Variants in CDH12 observed in about 807,000 individuals in gnomAD.
CDH12 encodes the protein cadherin-12.
Under a neutral mutation model 74.1 loss-of-function variants are expected in CDH12, and 41 were observed. That is an observed-to-expected ratio of 0.55 (90% confidence interval 0.43 to 0.72). CDH12 has a LOEUF of 0.72. CDH12 is among the 30% of genes least tolerant of loss of function. The pLI, the probability that CDH12 is intolerant of heterozygous loss-of-function variation, is 0.00. For missense variants in CDH12, 945 were observed against 977.2 expected (o/e 0.97, Z 0.44); for synonymous variants, 399 against 355.0 (o/e 1.12, Z -1.39).
At chr5:22,083,853 G>A (rs895484223) in intron 4 of CDH12, among the ~76,000 whole-genome samples, 1 of 152,106 alleles carries the variant, frequency 6.6e-6, no homozygotes, top group African/African-American at 2.4e-5. Context: ...AGGAATATGT[G>A]CCCGCAAACT....
intron 1 of CDH12, among the ~76,000 whole-genome samples, chr5:22,547,578 G>T (rs969165922): frequency 6.6e-6 from 1 of 151,970 alleles, no homozygotes; most frequent in African/African-American, 2.4e-5. Context: ...CCAAATTTTA[G>T]ATAAAATTAA....
chr5:22,480,543 C>T (rs1390160640), intron 2 of CDH12, among the ~76,000 whole-genome samples: 1 of 150,430 alleles, frequency 6.6e-6, no homozygotes, highest in Non-Finnish European at 1.5e-5. Context: ...CGGGATTGTA[C>T]CACTGCACTC....
intron 1 of CDH12, among the ~76,000 whole-genome samples, chr5:22,802,070 C>G (rs1023704048): frequency 6.6e-6 from 1 of 151,206 alleles, no homozygotes; most frequent in East Asian, 2.0e-4. Flanking sequence ...TACTGATGCT[C>G]TCTTTGTCTA....
intron 1 of CDH12, among the ~76,000 whole-genome samples, chr5:22,610,031 A>T (rs138770292): frequency 6.6e-6 from 1 of 152,380 alleles, no homozygotes; most frequent in Non-Finnish European, 1.5e-5. Flanking sequence ...CTGCCTGGGC[A>T]AATTGCTAAA....
At chr5:22,010,995 G>A (rs1487001659) in intron 5 of CDH12, among the ~76,000 whole-genome samples, 1 of 151,978 alleles carries the variant, frequency 6.6e-6, no homozygotes, top group Non-Finnish European at 1.5e-5. Context: ...ATTCATGCTT[G>A]CGTCATTACT....
rs1301382889 is a variant in CDH12 at position 22,076,858 on chromosome 5, ATGT to A, written c.231+1585_231+1587del. Among the ~76,000 whole-genome samples the A allele has an allele frequency of 5.8e-3, 885 of 152,080 alleles. 7 individuals are homozygous for A. The highest frequency in any genetic ancestry group is 0.018 in the African/African-American group (751 of 41,480). On this transcript the variant is annotated intron_variant, in intron 5 of 14. Transcript: ENST00000382254. ...AAGGTCATTCTGGTCTAGGCTGGAAATGTTTGGGTCTCAGTGTCCATTTATCGT... is the reference window on the plus strand; with the variant it reads ...AAGGTCATTCTGGTCTAGGCTGGAAATTGGGTCTCAGTGTCCATTTATCGT...
chr5:22,191,977 C>G (rs1035409917), intron 4 of CDH12, among the ~76,000 whole-genome samples: 4 of 152,104 alleles, frequency 2.6e-5, no homozygotes, highest in Admixed American at 2.0e-4. Flanking sequence ...GGTCTGTCTC[C>G]CAGGCTGGAG....
chr5:22,820,005 A>G (rs971920069), intron 1 of CDH12, among the ~76,000 whole-genome samples: 14 of 146,896 alleles, frequency 9.5e-5, no homozygotes, highest in Non-Finnish European at 1.5e-4. Flanking sequence ...ATATATATAC[A>G]TATACATATA....
intron 3 of CDH12, among the ~76,000 whole-genome samples, chr5:22,334,723 A>T (rs778136986): frequency 2.6e-5 from 4 of 152,186 alleles, no homozygotes; most frequent in Non-Finnish European, 5.9e-5. Flanking sequence ...CATTTTCAAC[A>T]AAGGTGACAA....
intron 6 of CDH12, among the ~76,000 whole-genome samples, chr5:21,858,695 T>G (rs909749714): frequency 1.3e-5 from 2 of 151,952 alleles, no homozygotes; most frequent in Admixed American, 6.6e-5. Flanking sequence ...GACCAACTCC[T>G]GAAATCTTAT....
chr5:22,606,378 G>A (rs192474734), intron 1 of CDH12, among the ~76,000 whole-genome samples: 12 of 152,230 alleles, frequency 7.9e-5, no homozygotes, highest in South Asian at 6.2e-4. Context: ...GTTTAGCTCC[G>A]TGTCCCCACA....
chr5:22,583,922 T>C (rs1740236093), intron 1 of CDH12, among the ~76,000 whole-genome samples: 1 of 152,202 alleles, frequency 6.6e-6, no homozygotes, highest in East Asian at 1.9e-4. Flanking sequence ...GAAACAAATG[T>C]ATCTCTTCCC....
intron 2 of CDH12, among the ~76,000 whole-genome samples, chr5:22,434,288 G>A (rs560837259): frequency 6.6e-6 from 1 of 152,140 alleles, no homozygotes; most frequent in Non-Finnish European, 1.5e-5. Flanking sequence ...ATTATAGTTT[G>A]GGTGTCTTAA....
At chr5:22,283,205 G>GATATATATATAT (rs1229134274) in intron 3 of CDH12, among the ~76,000 whole-genome samples, 3 of 107,994 alleles carry the variant, frequency 2.8e-5, no homozygotes, top group African/African-American at 1.1e-4. Context: ...ACATCTGTGA[G>GATATATATATAT]ATATATATAT....
intron 6 of CDH12, among the ~76,000 whole-genome samples, chr5:21,925,590 TAAG>T (rs959434015): frequency 2.6e-5 from 4 of 152,234 alleles, no homozygotes; most frequent in African/African-American, 9.6e-5. Flanking sequence ...CTATCAGTTA[TAAG>T]AAGTATTTTC....
intron 2 of CDH12, among the ~76,000 whole-genome samples, chr5:22,440,294 T>C (rs1744572087): frequency 1.3e-5 from 2 of 152,148 alleles, no homozygotes; most frequent in Non-Finnish European, 2.9e-5. Context: ...GAAAAGTTAA[T>C]GAGAAACTCG....
chr5:22,247,755 A>C (rs568178835), intron 3 of CDH12, among the ~76,000 whole-genome samples: 1 of 152,312 alleles, frequency 6.6e-6, no homozygotes, highest in South Asian at 2.1e-4. Context: ...GTGACATAAA[A>C]AATTCTATAT....
At chr5:21,777,693 G>T (rs144788414) in intron 11 of CDH12, among the ~76,000 whole-genome samples, 1 of 152,056 alleles carries the variant, frequency 6.6e-6, no homozygotes, top group African/African-American at 2.4e-5. Flanking sequence ...ATTTCACCAT[G>T]TTGGCCAGGC....
intron 5 of CDH12, among the ~76,000 whole-genome samples, chr5:22,061,421 G>T (rs1236224506): frequency 6.6e-6 from 1 of 152,086 alleles, no homozygotes; most frequent in African/African-American, 2.4e-5. Context: ...TTTACCAAAA[G>T]AATTCATTCG....
Sources: allele counts gnomAD v4.1 joint callset (sites outside exome capture counted in the v4.1 genomes callset), GRCh38; gene constraint gnomAD v4.1.1; transcripts MANE v1.5; gene names NCBI Gene and HGNC (gene_info 2026-07-23, HGNC 2026-07-21).